ZFYVE1: variants seen among roughly 807,000 people sequenced by gnomAD.
ZFYVE1 encodes the protein zinc finger FYVE domain-containing protein 1.
A neutral mutation model predicts 74.4 loss-of-function variants in ZFYVE1; 30 were observed. The ratio of observed to expected loss-of-function variants is 0.40; its 90% confidence interval spans 0.30 to 0.55. The LOEUF (loss-of-function observed/expected upper bound fraction) is 0.55, where lower values mean the gene tolerates loss of function less well. Ranked by LOEUF, ZFYVE1 falls within the 20% of genes least tolerant of loss-of-function variation. The pLI is 0.42. For synonymous variants in ZFYVE1, 335 were observed against 385.1 expected (o/e 0.87, Z 1.52); for missense variants, 703 against 1,011.6 (o/e 0.69, Z 4.14).
intron 3 of ZFYVE1, among the ~76,000 whole-genome samples, chr14:72,993,560 G>T (rs868618926): frequency 6.7e-6 from 1 of 148,568 alleles, no homozygotes; most frequent in African/African-American, 2.5e-5. Flanking sequence ...TTAGCAGGGC[G>T]TGGTGGCGCA....
chr14:72,975,242 A>G lies in ZFYVE1; in HGVS notation c.1807-283T>C, dbSNP rs1044079579. 69 of 508,408 alleles carry G rather than the reference A, an allele frequency of 1.4e-4. No homozygotes were observed. Among genetic ancestry groups the G allele is most frequent in the Non-Finnish European group, 1.7e-4 (51 of 291,564 alleles). 31.5% of individuals were successfully genotyped at this position (508,408 alleles called of 1,614,324 possible). On this transcript the variant is annotated intron_variant, in intron 9 of 11. Transcript: ENST00000556143. This position sits in a 1 kb window ranked among gnomAD's most constrained non-coding sequence, Gnocchi z 4.1. ...CTGAGGATGACCCTAAATAACCTCT[A>G]AAGACCCCTTTTCCTCCAGATTCTT...
intron 11 of ZFYVE1, among the ~76,000 whole-genome samples, chr14:72,973,412 C>A (rs143795929): frequency 4.6e-5 from 7 of 152,122 alleles, no homozygotes; most frequent in Non-Finnish European, 8.8e-5. Flanking sequence ...TTGCCTGAAC[C>A]TGGAAGGCGG....
rs1893794374 is a variant in ZFYVE1 at position 72,998,228 on chromosome 14, C to A, written c.571G>T (p.Asp191Tyr). Residue 191 changes from aspartate to tyrosine, a missense_variant, in exon 3 of 12, where the codon GAT becomes TAT. Physicochemically the swap from Asp to Tyr is radical, Grantham distance 160. Transcript: ENST00000556143. ...TGGTTGAGAGTATGAGACTTTCCAT[C>A]ACCAGTATTTCCAAAAATGGAAACC... Reference protein sequence around the residue: ...KVVSIFGNTGDGKSHTLNHTF... With the variant: ...KVVSIFGNTGYGKSHTLNHTF... 6.2e-7 allele frequency: 1 copy of A among 1,612,596 alleles called. No homozygotes were observed. The highest frequency in any genetic ancestry group is 8.5e-7 in the Non-Finnish European group (1 of 1,179,696).
At chr14:73,009,814 G>A (rs945206489) in intron 2 of ZFYVE1, among the ~76,000 whole-genome samples, 2 of 152,042 alleles carry the variant, frequency 1.3e-5, no homozygotes, top group Admixed American at 1.3e-4. Context: ...CTTCATTAAG[G>A]GAATAAGGAT....
chr14:73,019,776 AC>A (rs1343964518), intron 2 of ZFYVE1, among the ~76,000 whole-genome samples: 1 of 151,578 alleles, frequency 6.6e-6, no homozygotes, highest in African/African-American at 2.4e-5. Context: ...ACAAGGTGAA[AC>A]CCCGTCTCTA....
Position 73,023,388 on chromosome 14 carries a change from T to TA in ZFYVE1, c.483+637_483+638insT, listed in dbSNP as rs1555535697. On this transcript the variant is annotated intron_variant, in intron 2 of 11. Transcript: ENST00000556143. ...ATGTTTTATATATAATATATATATT[T>TA]TATGTGTTTTATATATAATATATAT... is the stretch of plus-strand genomic sequence containing the variant. Among the ~76,000 whole-genome samples, 5 of 80,036 alleles carry TA rather than the reference T, an allele frequency of 6.2e-5. 1 individual carries two copies. The highest frequency in any genetic ancestry group is 6.2e-4 in the South Asian group (2 of 3,208). 52.5% of individuals were successfully genotyped at this position (80,036 alleles called of 152,430 possible). A position where few individuals can be genotyped will look rare whatever the true frequency, so the allele number is the denominator to read the frequency against.
At position 72,969,725 on chromosome 14, in the gene ZFYVE1, C is replaced by A. The variant is rs1258757471; in HGVS notation, c.*1157G>T. 4.3e-6 allele frequency: 3 copies of A among 702,364 alleles called. No homozygotes were observed. Among genetic ancestry groups the A allele is most frequent in the Non-Finnish European group, 7.8e-6 (3 of 384,804 alleles). The allele number at this position is 702,364 out of a possible 1,614,324, so 43.5% of individuals were successfully genotyped here. On this transcript the variant is annotated 3_prime_UTR_variant, in exon 12 of 12. Coordinates refer to ENST00000556143, the MANE Select transcript of ZFYVE1 (RefSeq NM_021260.4). ...TGATAGGATTTCAGCACAACGGGCC[C>A]TTTCCAGTCATGACAGACAGAGATG...
At chr14:72,980,851 C>T (rs1458620784) in intron 5 of ZFYVE1, among the ~76,000 whole-genome samples, 12 of 152,118 alleles carry the variant, frequency 7.9e-5, no homozygotes, top group African/African-American at 2.4e-4. Flanking sequence ...CCACCGTGCC[C>T]GGCCGAGAAT....
chr14:73,023,441 A>ATTTTATATATG (rs1421366048), intron 2 of ZFYVE1, among the ~76,000 whole-genome samples: 1 of 132,474 alleles, frequency 7.5e-6, no homozygotes, highest in African/African-American at 2.8e-5. Flanking sequence ...TTATATATAT[A>ATTTTATATATG]TTTTATATAT....
chr14:73,025,493 C>T lies in ZFYVE1; in HGVS notation c.-434-551G>A, dbSNP rs1467128918. ...GGCAGATCACTTGAGGTCAGGAGTT[C>T]GAGACTACCCTGTCCAACATGGTGA... On this transcript the variant is annotated intron_variant, in intron 1 of 11. Coordinates refer to ENST00000556143, the MANE Select transcript of ZFYVE1 (RefSeq NM_021260.4). Among the ~76,000 whole-genome samples, 6 of 151,660 alleles carry T rather than the reference C, an allele frequency of 4.0e-5. No homozygotes were observed. The South Asian group carries it at 6.3e-4, about 16-fold the overall frequency.
chr14:73,009,296 T>A (rs1894041074), intron 2 of ZFYVE1, among the ~76,000 whole-genome samples: 1 of 152,196 alleles, frequency 6.6e-6, no homozygotes. Context: ...CTTCATAGGA[T>A]TTCTGCAAAA....
chr14:72,994,325 A>AAAC (rs1893695011), intron 3 of ZFYVE1, among the ~76,000 whole-genome samples: 1 of 142,186 alleles, frequency 7.0e-6, no homozygotes, highest in Non-Finnish European at 1.5e-5. Flanking sequence ...GCTGTCTCAA[A>AAAC]AAAAAAAAAA....
At chr14:72,981,756 T>C in intron 5 of ZFYVE1, 33 bp downstream of exon 5, 1 of 1,593,470 alleles carries the variant, frequency 6.3e-7, no homozygotes, top group Non-Finnish European at 8.6e-7. Context: ...TCTCAAGGTA[T>C]GGGGTGGGAG....
intron 2 of ZFYVE1, among the ~76,000 whole-genome samples, chr14:72,998,872 G>T (rs1275435397): frequency 4.6e-5 from 7 of 151,600 alleles, no homozygotes; most frequent in Non-Finnish European, 1.0e-4. Context: ...AGAAAGGGGG[G>T]TGGGGCCAAG....
chr14:73,025,099 G>C (rs776867747), intron 1 of ZFYVE1, among the ~76,000 whole-genome samples, 157 bp from the exon 2 acceptor site: 1 of 128,060 alleles, frequency 7.8e-6, no homozygotes, highest in Admixed American at 8.4e-5. Flanking sequence ...ACAGAGTTTT[G>C]CTCTTGCTGC....
chr14:73,002,791 G>A (rs1893900300), intron 2 of ZFYVE1, among the ~76,000 whole-genome samples: 1 of 150,570 alleles, frequency 6.6e-6, no homozygotes, highest in African/African-American at 2.4e-5. Flanking sequence ...GCCCAGGCTG[G>A]AGTGCAGTGG....
chr14:72,977,620 A>G (rs936081060), intron 8 of ZFYVE1, among the ~76,000 whole-genome samples: 1 of 152,234 alleles, frequency 6.6e-6, no homozygotes, highest in African/African-American at 2.4e-5. Context: ...ATTTGCATCT[A>G]GAAAAACATA....
At chr14:73,001,244 A>G (rs1893867240) in intron 2 of ZFYVE1, among the ~76,000 whole-genome samples, 1 of 151,328 alleles carries the variant, frequency 6.6e-6, no homozygotes, top group African/African-American at 2.4e-5. Context: ...AAATAGATAA[A>G]CTAGCAAATT....
intron 4 of ZFYVE1, among the ~76,000 whole-genome samples, chr14:72,992,732 T>C (rs1893650586): frequency 6.6e-6 from 1 of 151,548 alleles, no homozygotes; most frequent in African/African-American, 2.4e-5. Context: ...GATACTAGTT[T>C]TCCGCTTATA....
Sources: allele counts gnomAD v4.1 joint callset (sites outside exome capture counted in the v4.1 genomes callset), GRCh38; gene constraint gnomAD v4.1.1; non-coding constraint Gnocchi (gnomAD v3.1); transcripts MANE v1.5; gene names NCBI Gene and HGNC (gene_info 2026-07-23, HGNC 2026-07-21).